DSCAM: variants seen among roughly 807,000 people sequenced by gnomAD.
DSCAM encodes the protein cell adhesion molecule DSCAM.
DSCAM carries 47 observed loss-of-function variants against 217.7 expected under a neutral mutation model. The observed-to-expected ratio is 0.22, with a 90% CI of 0.17 to 0.28. DSCAM has a LOEUF of 0.28. DSCAM is among the 10% of genes least tolerant of loss of function. DSCAM has a pLI of 1.00. For synonymous variants in DSCAM, 1,056 were observed against 1,015.3 expected (o/e 1.04, Z -0.76); for missense variants, 2,080 against 2,618.3 (o/e 0.79, Z 4.49).
chr21:40,464,743 C>CTTT (rs931964730), intron 3 of DSCAM, among the ~76,000 whole-genome samples: 4 of 141,246 alleles, frequency 2.8e-5, no homozygotes, highest in South Asian at 2.2e-4. Context: ...CCAGAACCAT[C>CTTT]TTTTTTTTTT....
intron 1 of DSCAM, among the ~76,000 whole-genome samples, chr21:40,764,110 A>C (rs1030790019): frequency 2.0e-5 from 3 of 152,202 alleles, no homozygotes; most frequent in Non-Finnish European, 4.4e-5. Flanking sequence ...CTAATTAACT[A>C]AAGAGCTTCA....
Position 40,251,640 on chromosome 21 carries a change from C to T in DSCAM, c.2356+24457G>A, listed in dbSNP as rs565821086. Among the ~76,000 whole-genome samples, 8 of 152,196 alleles carry T rather than the reference C, an allele frequency of 5.3e-5. No homozygotes were observed. In the South Asian group the frequency reaches 1.7e-3, roughly 32 times the overall value. ...GAAACACCCTGTAGTGGGCAGATTC[C>T]AAGATAGCCCCCAGTGATCCTGTCC... is the stretch of plus-strand genomic sequence containing the variant. On this transcript the variant is annotated intron_variant, in intron 11 of 32. Coordinates refer to ENST00000400454, the MANE Select transcript of DSCAM (RefSeq NM_001389.5).
intron 15 of DSCAM, among the ~76,000 whole-genome samples, chr21:40,169,529 T>C (rs772288742): frequency 3.3e-5 from 5 of 151,986 alleles, no homozygotes; most frequent in Non-Finnish European, 7.4e-5. Context: ...GTCCTCGCAC[T>C]GAGGACCAAG....
intron 2 of DSCAM, among the ~76,000 whole-genome samples, chr21:40,701,488 T>C (rs868120801): frequency 2.6e-5 from 4 of 152,144 alleles, no homozygotes; most frequent in Non-Finnish European, 5.9e-5. Flanking sequence ...TTATCCTCTT[T>C]TTCAGTTTAA....
In DSCAM at chr21:40,078,791, T is replaced by C. The variant is rs746789893; in HGVS notation, c.4607A>G (p.Tyr1536Cys). Residue 1536 changes from tyrosine to cysteine, a missense_variant, in exon 26 of 33, where the codon TAT becomes TGT. This residue lies in a region of DSCAM where 1,144 missense variants were observed against 1,421.1 expected (regional missense o/e 0.81). Transcript: ENST00000400454. ...RTSLSKSYILYDLQEATWYEL... is the reference protein window; with the variant it reads ...RTSLSKSYILCDLQEATWYEL... The stretch of plus-strand genomic sequence containing the variant: ...ATACCAGGTGGCTTCCTGCAGGTCA[T>C]ACAGGATGTAGGACTTGGAGAGAGA... 1.2e-6 allele frequency: 2 copies of C among 1,614,112 alleles called. No homozygotes were observed. The highest frequency in any genetic ancestry group is 1.7e-5 in the Admixed American group (1 of 60,004).
chr21:40,432,017 T>C (rs939129624), intron 3 of DSCAM, among the ~76,000 whole-genome samples: 5 of 152,034 alleles, frequency 3.3e-5, no homozygotes, highest in African/African-American at 9.7e-5. Context: ...CTGGCCAACA[T>C]AGTGAAACCC....
At chr21:40,686,730 C>T (rs1026239390) in intron 3 of DSCAM, among the ~76,000 whole-genome samples, 2 of 152,168 alleles carry the variant, frequency 1.3e-5, no homozygotes, top group Middle Eastern at 3.4e-3. Context: ...TGCTTTGGAG[C>T]CTTGCTGGCA....
At chr21:40,638,679 A>T (rs1347548847) in intron 3 of DSCAM, among the ~76,000 whole-genome samples, 1 of 152,152 alleles carries the variant, frequency 6.6e-6, no homozygotes, top group Non-Finnish European at 1.5e-5. Context: ...AGTTGTGTGT[A>T]AGCTTTAAAC....
chr21:40,116,806 T>A (rs1393983934), intron 20 of DSCAM, among the ~76,000 whole-genome samples: 3 of 151,124 alleles, frequency 2.0e-5, no homozygotes, highest in Non-Finnish European at 4.4e-5. Context: ...ATCGAGACCA[T>A]CCTGGCTAAC....
At chr21:40,574,305 C>T (rs2076831697) in intron 3 of DSCAM, among the ~76,000 whole-genome samples, 1 of 151,978 alleles carries the variant, frequency 6.6e-6, no homozygotes, top group African/African-American at 2.4e-5. Flanking sequence ...TTTTCTAATA[C>T]AAAATTGGCT....
At chr21:40,123,463 G>A (rs866048795) in intron 20 of DSCAM, among the ~76,000 whole-genome samples, 3 of 152,122 alleles carry the variant, frequency 2.0e-5, no homozygotes, top group South Asian at 2.1e-4. Flanking sequence ...TGAAGACATC[G>A]TCAATTTTGG....
intron 32 of DSCAM, among the ~76,000 whole-genome samples, chr21:40,029,221 G>T (rs576642939): frequency 6.6e-6 from 1 of 152,060 alleles, no homozygotes; most frequent in East Asian, 1.9e-4. Flanking sequence ...TTCTTCTTAT[G>T]ATGTTTATCC....
At chr21:40,605,264 C>G (rs2089217173) in intron 3 of DSCAM, among the ~76,000 whole-genome samples, 1 of 152,168 alleles carries the variant, frequency 6.6e-6, no homozygotes, top group African/African-American at 2.4e-5. Context: ...GTAAGCTGAC[C>G]TTGGCTCTCA....
intron 3 of DSCAM, among the ~76,000 whole-genome samples, chr21:40,595,714 A>G (rs2077016711): frequency 6.6e-6 from 1 of 152,232 alleles, no homozygotes; most frequent in South Asian, 2.1e-4. Context: ...AGAGGATCAG[A>G]TCCAAATATA....
intron 3 of DSCAM, among the ~76,000 whole-genome samples, chr21:40,662,673 G>A (rs1389648890): frequency 1.3e-5 from 2 of 152,124 alleles, no homozygotes; most frequent in African/African-American, 2.4e-5. Context: ...TATGGGAGGT[G>A]GGGCAGAATG....
intron 3 of DSCAM, among the ~76,000 whole-genome samples, chr21:40,585,419 C>CAAAAAAAAAAAA (rs71186946): frequency 2.9e-4 from 25 of 86,968 alleles, no homozygotes; most frequent in African/African-American, 8.8e-4. Flanking sequence ...GACTCCGTCT[C>CAAAAAAAAAAAA]AAAAAAAAAA....
chr21:40,033,233 C>T (rs1034810201), intron 32 of DSCAM, among the ~76,000 whole-genome samples: 2 of 152,136 alleles, frequency 1.3e-5, no homozygotes, highest in African/African-American at 4.8e-5. Flanking sequence ...ACGCAGAAGA[C>T]GGGTGATTTC....
intron 2 of DSCAM, among the ~76,000 whole-genome samples, chr21:40,701,187 G>A (rs2146467383): frequency 1.3e-5 from 2 of 152,194 alleles, no homozygotes; most frequent in South Asian, 4.2e-4. Context: ...CCTTGAGTGA[G>A]TCTTGATAGT....
At chr21:40,589,104 T>C (rs566205497) in intron 3 of DSCAM, among the ~76,000 whole-genome samples, 25 of 150,560 alleles carry the variant, frequency 1.7e-4, no homozygotes, top group African/African-American at 5.9e-4. Flanking sequence ...ATAACTATTA[T>C]TCACAACGAA....
Sources: allele counts gnomAD v4.1 joint callset (sites outside exome capture counted in the v4.1 genomes callset), GRCh38; gene constraint gnomAD v4.1.1; regional missense constraint gnomAD v4.1.1; transcripts MANE v1.5; gene names NCBI Gene and HGNC (gene_info 2026-07-23, HGNC 2026-07-21).